Variants in RSPRY1 observed in about 807,000 individuals in gnomAD.
RSPRY1 encodes RING finger and SPRY domain-containing protein 1.
In RSPRY1, 23 loss-of-function variants were observed where a neutral mutation model predicts 73.1. The observed-to-expected ratio is 0.31, with a 90% CI of 0.23 to 0.45. The LOEUF is 0.45. RSPRY1 is among the 20% of genes least tolerant of loss of function. The pLI is 1.00. For synonymous variants in RSPRY1, 226 were observed against 251.4 expected (o/e 0.90, Z 0.95); for missense variants, 448 against 698.7 (o/e 0.64, Z 4.05).
At chr16:57,235,880 G>A (rs1460050887) in intron 14 of RSPRY1, among the ~76,000 whole-genome samples, 5 of 152,234 alleles carry the variant, frequency 3.3e-5, no homozygotes, top group Admixed American at 2.6e-4. Flanking sequence ...AGAGCCTGGA[G>A]TGATGAACCC....
intron 1 of RSPRY1, among the ~76,000 whole-genome samples, chr16:57,197,727 G>GT (rs1469857772): frequency 7.9e-5 from 12 of 151,982 alleles, no homozygotes; most frequent in Non-Finnish European, 1.6e-4. Flanking sequence ...TTTTGTTTTT[G>GT]TTTTTGTTTT....
chr16:57,208,302 CTTTT>C (rs34138044), intron 3 of RSPRY1, among the ~76,000 whole-genome samples, 192 bp downstream of exon 3: 5 of 79,186 alleles, frequency 6.3e-5, no homozygotes, highest in Admixed American at 2.8e-4. Flanking sequence ...CATATTATAC[CTTTT>C]TTTTTTTTTT....
chr16:57,187,070 G>T (rs2074225532), intron 1 of RSPRY1: 1 of 152,190 alleles, frequency 6.6e-6, no homozygotes, highest in Non-Finnish European at 1.5e-5. Flanking sequence ...TTGGGGAGAG[G>T]GGATTTCTGG....
chr16:57,208,295 A>G (rs2074764518), intron 3 of RSPRY1, among the ~76,000 whole-genome samples, 185 bp downstream of exon 3: 1 of 121,458 alleles, frequency 8.2e-6, no homozygotes, highest in Non-Finnish European at 1.6e-5. Flanking sequence ...GGCAATGCAT[A>G]TTATACCTTT....
chr16:57,219,972 G>A (rs1346629343), intron 8 of RSPRY1: 5 of 152,140 alleles, frequency 3.3e-5, no homozygotes, highest in African/African-American at 9.7e-5. Flanking sequence ...CACTGTAGAT[G>A]TATGGATTTC....
chr16:57,196,876 C>T (rs1483406422), intron 1 of RSPRY1, among the ~76,000 whole-genome samples: 3 of 152,178 alleles, frequency 2.0e-5, no homozygotes, highest in Non-Finnish European at 4.4e-5. Flanking sequence ...ATGCGTATTA[C>T]ATGCATTATT....
At chr16:57,198,854 C>G (rs765296424) in intron 1 of RSPRY1, among the ~76,000 whole-genome samples, 3 of 152,186 alleles carry the variant, frequency 2.0e-5, no homozygotes, top group Non-Finnish European at 4.4e-5. Context: ...CAGTGGAGTT[C>G]CCCTCTGCTG....
intron 14 of RSPRY1, among the ~76,000 whole-genome samples, chr16:57,236,635 C>T (rs555839581): frequency 6.6e-6 from 1 of 152,296 alleles, no homozygotes; most frequent in East Asian, 1.9e-4. Context: ...GAACTCTTTA[C>T]AACTTTCAGG....
chr16:57,197,972 C>T (rs1235962981), intron 1 of RSPRY1, among the ~76,000 whole-genome samples: 7 of 147,002 alleles, frequency 4.8e-5, no homozygotes, highest in Non-Finnish European at 1.1e-4. Flanking sequence ...GCAATCCTCC[C>T]AACTCAGCCT....
intron 11 of RSPRY1, among the ~76,000 whole-genome samples, chr16:57,229,634 A>G (rs2075176525): frequency 6.6e-6 from 1 of 151,374 alleles, no homozygotes; most frequent in Non-Finnish European, 1.5e-5. Context: ...CAAAAATAAC[A>G]AAACCAAAAA....
intron 1 of RSPRY1, among the ~76,000 whole-genome samples, chr16:57,196,387 C>A (rs1267360359): frequency 6.6e-6 from 1 of 152,152 alleles, no homozygotes; most frequent in African/African-American, 2.4e-5. Flanking sequence ...TTCAGTTTGC[C>A]CCCTAGTTCA....
chr16:57,216,330 A>C, intron 7 of RSPRY1, 157 bp downstream of exon 7: 2 of 576,350 alleles, frequency 3.5e-6, no homozygotes, highest in Non-Finnish European at 6.1e-6. Context: ...ATGAAGTATA[A>C]CAGGGACAAA....
chr16:57,195,664 C>CT (rs201029140), intron 1 of RSPRY1, among the ~76,000 whole-genome samples: 6,795 of 143,070 alleles, frequency 0.047, 325 homozygotes, highest in East Asian at 0.23. Flanking sequence ...GTGTGACTAG[C>CT]TTTTTTTTTT....
intron 2 of RSPRY1, among the ~76,000 whole-genome samples, chr16:57,205,781 C>T (rs2074713362): frequency 6.6e-6 from 1 of 152,178 alleles, no homozygotes; most frequent in Non-Finnish European, 1.5e-5. Context: ...TCAGATTCCT[C>T]ATCTGTAAAT....
chr16:57,229,690 CTTTTTTTTTTTTTTTT>C (rs1162737560), intron 11 of RSPRY1, among the ~76,000 whole-genome samples: 14 of 42,140 alleles, frequency 3.3e-4, no homozygotes, highest in East Asian at 1.9e-3. Flanking sequence ...AAGATAAATG[CTTTTTTTTTTTTTTTT>C]TTTTTTTTTT....
chr16:57,186,607 C>G (rs944148275), intron 1 of RSPRY1, 156 bp downstream of exon 1: 2 of 152,752 alleles, frequency 1.3e-5, no homozygotes, highest in South Asian at 2.1e-4. Context: ...GGAAAGGGCC[C>G]GGGAGAGAGG....
At chr16:57,205,152 C>G in intron 2 of RSPRY1, 144 bp downstream of exon 2, 2 of 614,306 alleles carry the variant, frequency 3.3e-6, no homozygotes, top group Non-Finnish European at 5.7e-6. Flanking sequence ...TAATGCTCCG[C>G]TGATGGCAGA....
intron 1 of RSPRY1, 34 bp from the exon 2 acceptor site, chr16:57,204,468 CTT>C (rs1336438259): frequency 1.7e-6 from 1 of 571,522 alleles, no homozygotes; most frequent in East Asian, 2.8e-5. Context: ...GGTCAAGAAT[CTT>C]TTATTCATTT....
intron 1 of RSPRY1, among the ~76,000 whole-genome samples, chr16:57,190,901 A>G (rs778025670): frequency 2.0e-4 from 30 of 152,262 alleles, no homozygotes; most frequent in Non-Finnish European, 3.5e-4. Context: ...AAGTTATCTT[A>G]TAAATAGTGG....
Sources: gnomAD v4.1 joint callset for allele counts (sites outside exome capture counted in the v4.1 genomes callset) on GRCh38, gnomAD v4.1.1 for gene constraint, MANE v1.5 for transcripts, NCBI Gene and HGNC (gene_info 2026-07-23, HGNC 2026-07-21) for gene names.